Variants in ATP8A2 observed in about 807,000 individuals in gnomAD.
ATP8A2 encodes ATPase phospholipid transporting 8A2.
In ATP8A2, 100 loss-of-function variants were observed where a neutral mutation model predicts 165.6. The observed-to-expected ratio is 0.60, with a 90% confidence interval of 0.51 to 0.71. The LOEUF (loss-of-function observed/expected upper bound fraction) is 0.71. Ranked by LOEUF, ATP8A2 falls within the 30% of genes least tolerant of loss-of-function variation. The pLI, the probability that ATP8A2 is intolerant of heterozygous loss-of-function variation, is 0.00. For synonymous variants in ATP8A2, 543 were observed against 548.8 expected (o/e 0.99, Z 0.15); for missense variants, 1,227 against 1,479.5 (o/e 0.83, Z 2.80).
In ATP8A2 at chr13:25,738,347, C is replaced by CG. The variant is rs749421668; in HGVS notation, c.2385-30699_2385-30698insG. ...TTTCTTTTTGTGCCCCCCTCCCCCC[C>CG]CCCCACACACACTTCTTCTGGTAGT... is the stretch of plus-strand genomic sequence containing the variant. On this transcript the variant is annotated intron_variant, in intron 25 of 36. Transcript: ENST00000381655. Among the ~76,000 whole-genome samples the CG allele has an allele frequency of 9.7e-5, 14 of 144,108 alleles. 1 individual carries two copies. The highest frequency in any genetic ancestry group is 4.1e-4 in the Admixed American group (6 of 14,562). 94.5% of individuals were successfully genotyped at this position (144,108 alleles called of 152,430 possible). A position where few individuals can be genotyped will look rare whatever the true frequency, so the allele number is the denominator to read the frequency against.
chr13:25,886,669 C>G (rs1364312356), intron 33 of ATP8A2, among the ~76,000 whole-genome samples: 1 of 152,248 alleles, frequency 6.6e-6, no homozygotes, highest in Non-Finnish European at 1.5e-5. Flanking sequence ...CCATGGAAAT[C>G]TCTTCCAAGT....
intron 2 of ATP8A2, among the ~76,000 whole-genome samples, chr13:25,474,337 A>G (rs1164955852): frequency 6.6e-6 from 1 of 152,174 alleles, no homozygotes; most frequent in Non-Finnish European, 1.5e-5. Context: ...CGAGGTAGGC[A>G]GATCACGAGG....
chr13:25,372,274 T>C lies in ATP8A2; in HGVS notation c.62T>C (p.Ile21Thr). 1 of 1,450,826 alleles carries C rather than the reference T, an allele frequency of 6.9e-7. No homozygotes were observed. Among genetic ancestry groups the C allele is most frequent in the Non-Finnish European group, 9.1e-7 (1 of 1,094,546 alleles). 89.9% of individuals were successfully genotyped at this position (1,450,826 alleles called of 1,614,324 possible). A position where few individuals can be genotyped will look rare whatever the true frequency, so the allele number is the denominator to read the frequency against. Reference protein sequence around the residue: ...LKMSLPRRSRIRSSVGPVRSS... With the variant: ...LKMSLPRRSRTRSSVGPVRSS... ...ATGTCCCTGCCGCGGAGGTCGAGGA[T>C]CCGCTCGTCCGTGGGTGAGCTGGGA... The change falls in exon 1 of 37, where the codon ATC becomes ACC. Residue 21 changes from isoleucine (I) to threonine (T), a missense_variant. Physicochemically the swap from Ile to Thr is moderately conservative, Grantham distance 89 (BLOSUM62 -1). Around this residue, in one of 5 missense-constraint regions of ATP8A2, gnomAD observed 356 missense variants for 394.9 expected, o/e 0.90. Transcript: ENST00000381655. The surrounding 1 kb of genome is among the most constrained non-coding windows in gnomAD (Gnocchi z 4.8).
chr13:25,765,657 C>A (rs2044475680), intron 25 of ATP8A2, among the ~76,000 whole-genome samples: 1 of 152,140 alleles, frequency 6.6e-6, no homozygotes, highest in South Asian at 2.1e-4. Flanking sequence ...GTCAGGTTTT[C>A]TCCTTATTTT....
At chr13:25,640,420 A>G (rs1285296706) in intron 24 of ATP8A2, among the ~76,000 whole-genome samples, 1 of 152,208 alleles carries the variant, frequency 6.6e-6, no homozygotes, top group Non-Finnish European at 1.5e-5. Flanking sequence ...GATAAAGGGG[A>G]TATCACCACC....
chr13:25,480,985 C>G (rs2036174926), intron 2 of ATP8A2, among the ~76,000 whole-genome samples: 1 of 152,152 alleles, frequency 6.6e-6, no homozygotes, highest in African/African-American at 2.4e-5. Context: ...GAAACCCCGT[C>G]TCCACCAAAA....
intron 2 of ATP8A2, among the ~76,000 whole-genome samples, chr13:25,514,095 T>G (rs1022193583): frequency 2.6e-5 from 4 of 152,284 alleles, no homozygotes; most frequent in Admixed American, 2.6e-4. Context: ...GCATCTTGTT[T>G]TTTTGGTTTT....
At chr13:25,831,941 T>A (rs911270273) in intron 28 of ATP8A2, among the ~76,000 whole-genome samples, 4 of 152,056 alleles carry the variant, frequency 2.6e-5, no homozygotes, top group African/African-American at 4.8e-5. Context: ...TTTCTTTATT[T>A]TTTTTTATTT....
At chr13:25,852,232 G>T (rs999147798) in intron 30 of ATP8A2, among the ~76,000 whole-genome samples, 1 of 152,186 alleles carries the variant, frequency 6.6e-6, no homozygotes. Flanking sequence ...AATGTCTGCA[G>T]TTATATTTGG....
chr13:25,846,791 G>A (rs1951876385), intron 30 of ATP8A2, among the ~76,000 whole-genome samples: 1 of 152,140 alleles, frequency 6.6e-6, no homozygotes, highest in African/African-American at 2.4e-5. Flanking sequence ...GAGAAAAGTG[G>A]ATGGGTTGGA....
At chr13:25,768,083 G>A (rs556866409) in intron 25 of ATP8A2, among the ~76,000 whole-genome samples, 6 of 135,418 alleles carry the variant, frequency 4.4e-5, no homozygotes, top group African/African-American at 1.6e-4. Flanking sequence ...GCGTGGGGGG[G>A]GGGTGGTGGG....
chr13:25,848,352 G>C (rs1014778175), intron 30 of ATP8A2, among the ~76,000 whole-genome samples: 1 of 152,210 alleles, frequency 6.6e-6, no homozygotes, highest in Non-Finnish European at 1.5e-5. Flanking sequence ...CCCACATCTG[G>C]CAGGAAGAGA....
intron 24 of ATP8A2, among the ~76,000 whole-genome samples, chr13:25,598,564 ACGTCAAATTTG>A (rs1324640701): frequency 2.0e-5 from 3 of 152,148 alleles, no homozygotes; most frequent in African/African-American, 4.8e-5. Context: ...GGACTTGTGC[ACGTCAAATTTG>A]CTTTTTCTGA....
chr13:25,787,725 C>T (rs2138386847), intron 27 of ATP8A2, among the ~76,000 whole-genome samples: 1 of 152,338 alleles, frequency 6.6e-6, no homozygotes, highest in Non-Finnish European at 1.5e-5. Flanking sequence ...GCCTCTCTGC[C>T]TCAGGGCCTC....
chr13:25,380,776 C>T (rs2032808055), intron 1 of ATP8A2, among the ~76,000 whole-genome samples: 1 of 152,152 alleles, frequency 6.6e-6, no homozygotes, highest in South Asian at 2.1e-4. Flanking sequence ...ACCCCCATTG[C>T]TACACAGGGA....
At chr13:25,569,425 T>C (rs1048429395) in intron 16 of ATP8A2, among the ~76,000 whole-genome samples, 2 of 152,068 alleles carry the variant, frequency 1.3e-5, no homozygotes, top group East Asian at 3.9e-4. Flanking sequence ...AACAGAAAAC[T>C]CCATCAAAAG....
intron 24 of ATP8A2, among the ~76,000 whole-genome samples, chr13:25,689,394 C>A (rs1428784742): frequency 1.3e-5 from 2 of 152,148 alleles, no homozygotes; most frequent in Admixed American, 6.6e-5. Context: ...ACCTGATATA[C>A]TTAATGACAT....
intron 35 of ATP8A2, among the ~76,000 whole-genome samples, chr13:25,984,634 C>T (rs1032531495): frequency 1.4e-4 from 21 of 150,188 alleles, no homozygotes; most frequent in Non-Finnish European, 2.2e-4. Flanking sequence ...CAAACAAAAA[C>T]GAAACAAAAC....
At position 25,496,381 on chromosome 13, in the gene ATP8A2, C is replaced by T. The variant is rs965411286; in HGVS notation, c.221+27260C>T. Among the ~76,000 whole-genome samples the T allele has an allele frequency of 3.3e-5, 5 of 152,092 alleles. No individual in the cohort carries two copies. In the South Asian group the frequency reaches 1.0e-3, roughly 32 times the overall value. On this transcript the variant is annotated intron_variant, in intron 2 of 36. Coordinates refer to ENST00000381655, the MANE Select transcript of ATP8A2 (RefSeq NM_016529.6). Reference sequence around the variant, plus strand: ...CTATTGCGTCTGGCTTATTTTGAACCCCTGCATGAAATCTACATTGAAGAG... The same window carrying T: ...CTATTGCGTCTGGCTTATTTTGAACTCCTGCATGAAATCTACATTGAAGAG...
Sources: gnomAD v4.1 joint callset for allele counts (sites outside exome capture counted in the v4.1 genomes callset) on GRCh38, gnomAD v4.1.1 for gene constraint, gnomAD v4.1.1 regional missense constraint, Gnocchi (gnomAD v3.1) non-coding constraint, MANE v1.5 for transcripts, NCBI Gene and HGNC (gene_info 2026-07-23, HGNC 2026-07-21) for gene names.